The following SNX29 variants were observed in gnomAD, a reference collection of about 807,000 sequenced individuals.
The protein encoded by SNX29 is sorting nexin 29.
In SNX29, 78 loss-of-function variants were observed where a neutral mutation model predicts 102.1. The observed-to-expected ratio is 0.76, with a 90% CI of 0.64 to 0.92. The LOEUF (loss-of-function observed/expected upper bound fraction) is 0.92, where lower values mean the gene tolerates loss of function less well. SNX29 is among the 40% of genes least tolerant of loss of function. The pLI is 0.00. For missense variants in SNX29, 1,280 were observed against 1,061.7 expected, an observed-to-expected ratio of 1.21 and a Z score of -2.86; for synonymous variants, 580 against 414.5, an observed-to-expected ratio of 1.40 and a Z score of -4.85.
intron 18 of SNX29, among the ~76,000 whole-genome samples, chr16:12,454,612 G>C (rs1436288565): frequency 6.6e-6 from 1 of 152,206 alleles, no homozygotes; most frequent in Non-Finnish European, 1.5e-5. Context: ...AGAGAGGTGA[G>C]GAAGAACAGA....
chr16:12,054,975 T>C (rs1054956169), intron 8 of SNX29, among the ~76,000 whole-genome samples: 2 of 152,164 alleles, frequency 1.3e-5, no homozygotes, highest in African/African-American at 4.8e-5. Flanking sequence ...GTGAACTGTT[T>C]GTTAGGGCAG....
chr16:12,128,902 C>A (rs995970234), intron 12 of SNX29, among the ~76,000 whole-genome samples: 1 of 152,194 alleles, frequency 6.6e-6, no homozygotes, highest in Non-Finnish European at 1.5e-5. Flanking sequence ...CCTAGGCGGT[C>A]ACTGGTGATG....
At chr16:12,196,916 C>T (rs1218179759) in intron 13 of SNX29, among the ~76,000 whole-genome samples, 1 of 152,206 alleles carries the variant, frequency 6.6e-6, no homozygotes, top group African/African-American at 2.4e-5. Context: ...CCACTGCACC[C>T]AGCCAGGTGT....
At chr16:12,367,851 G>C (rs900816667) in intron 16 of SNX29, among the ~76,000 whole-genome samples, 1 of 152,178 alleles carries the variant, frequency 6.6e-6, no homozygotes, top group Non-Finnish European at 1.5e-5. Context: ...CCATTTAAGA[G>C]GGGCTACTAA....
chr16:12,036,444 T>A (rs1190850391), intron 4 of SNX29, among the ~76,000 whole-genome samples: 1 of 150,808 alleles, frequency 6.6e-6, no homozygotes, highest in African/African-American at 2.4e-5. Context: ...ACGCCATTCT[T>A]CTGCCTCTGC....
At chr16:12,131,703 G>A (rs1329473545) in intron 13 of SNX29, among the ~76,000 whole-genome samples, 1 of 152,186 alleles carries the variant, frequency 6.6e-6, no homozygotes, top group African/African-American at 2.4e-5. Flanking sequence ...AGATAAACAC[G>A]TCTTGTGGAT....
intron 3 of SNX29, among the ~76,000 whole-genome samples, chr16:12,012,614 G>A (rs1311723417): frequency 6.6e-6 from 1 of 151,992 alleles, no homozygotes; most frequent in Non-Finnish European, 1.5e-5. Flanking sequence ...TCACCATGTT[G>A]GCCAGGCTGG....
intron 15 of SNX29, among the ~76,000 whole-genome samples, chr16:12,282,570 C>G (rs987977812): frequency 6.6e-6 from 1 of 152,194 alleles, no homozygotes; most frequent in African/African-American, 2.4e-5. Context: ...CTTCAGTCAT[C>G]TTGTGTAATG....
In SNX29 at chr16:12,001,368, C is replaced by T. The variant is rs149348584; in HGVS notation, c.70-1623C>T. Among the ~76,000 whole-genome samples, 210 of 152,252 alleles carry T rather than the reference C, an allele frequency of 1.4e-3. 1 individual carries two copies. The highest frequency in any genetic ancestry group is 3.4e-3 in the Middle Eastern group (1 of 294). Reference sequence around the variant, plus strand: ...CCTCGGGTGATCCGCCCAACTCGGCCGTCCTAACTGCTGGGATTACAGACG... The same window carrying T: ...CCTCGGGTGATCCGCCCAACTCGGCTGTCCTAACTGCTGGGATTACAGACG... On this transcript the variant is annotated intron_variant, in intron 2 of 20. Transcript: ENST00000566228.
At chr16:12,445,778 C>T (rs887248140) in intron 18 of SNX29, among the ~76,000 whole-genome samples, 15 of 152,088 alleles carry the variant, frequency 9.9e-5, no homozygotes, top group African/African-American at 2.9e-4. Flanking sequence ...TATGCCAGGC[C>T]CTGGATTGAG....
chr16:12,529,173 G>C (rs138135338), intron 20 of SNX29, among the ~76,000 whole-genome samples: 1 of 152,166 alleles, frequency 6.6e-6, no homozygotes, highest in African/African-American at 2.4e-5. Flanking sequence ...AAAGTAGGCC[G>C]GTGGGAAGTG....
At chr16:12,527,974 A>C (rs1474433478) in intron 20 of SNX29, among the ~76,000 whole-genome samples, 7 of 145,590 alleles carry the variant, frequency 4.8e-5, no homozygotes, top group Non-Finnish European at 8.9e-5. Context: ...ACATGTGCCC[A>C]CCACCATGCC....
intron 16 of SNX29, among the ~76,000 whole-genome samples, chr16:12,368,447 C>A (rs939528585): frequency 2.0e-5 from 3 of 152,216 alleles, no homozygotes; most frequent in African/African-American, 7.2e-5. Context: ...TGGCTTACAT[C>A]GCCTGTCGGT....
At position 12,572,051 on chromosome 16, in the gene SNX29, A is replaced by G. The variant is rs3803605; in HGVS notation, c.*3422A>G. 243,798 of 1,062,554 alleles carry G rather than the reference A, an allele frequency of 0.23. 28,633 individuals are homozygous for G. Among genetic ancestry groups the G allele is most frequent in the East Asian group, 0.44 (8,685 of 19,818 alleles). The allele number at this position is 1,062,554 out of a possible 1,614,324, so 65.8% of individuals were successfully genotyped here. A position where few individuals can be genotyped will look rare whatever the true frequency, so the allele number is the denominator to read the frequency against. Reference sequence around the variant, plus strand: ...GGGATCATCCAGTGGAGTTGTAAACAAGGGAACCATCTTGCAAGATCTAGG... The same window carrying G: ...GGGATCATCCAGTGGAGTTGTAAACGAGGGAACCATCTTGCAAGATCTAGG... On this transcript the variant is annotated 3_prime_UTR_variant, in exon 21 of 21. Transcript: ENST00000566228.
chr16:12,323,272 G>T (rs1221517417), intron 15 of SNX29, among the ~76,000 whole-genome samples: 3 of 137,452 alleles, frequency 2.2e-5, no homozygotes, highest in East Asian at 4.2e-4. Context: ...TTTCTGTGCT[G>T]TGGCATTTTA....
chr16:12,468,455 C>G (rs11644581), intron 18 of SNX29, among the ~76,000 whole-genome samples: 1 of 152,036 alleles, frequency 6.6e-6, no homozygotes, highest in Non-Finnish European at 1.5e-5. Flanking sequence ...TGAGCCACCA[C>G]GCGCAACCTC....
chr16:12,534,972 A>C (rs908280327), intron 20 of SNX29, among the ~76,000 whole-genome samples: 2 of 152,168 alleles, frequency 1.3e-5, no homozygotes, highest in Non-Finnish European at 2.9e-5. Flanking sequence ...TCTGACCTGA[A>C]CGTCATTAGT....
intron 14 of SNX29, among the ~76,000 whole-genome samples, chr16:12,235,451 G>C (rs1183225058): frequency 6.6e-6 from 1 of 152,202 alleles, no homozygotes; most frequent in Non-Finnish European, 1.5e-5. Context: ...TGGCATGTCA[G>C]ATGGGAGCAG....
intron 20 of SNX29, among the ~76,000 whole-genome samples, chr16:12,547,078 G>A (rs765970032): frequency 3.3e-5 from 5 of 152,220 alleles, no homozygotes; most frequent in Non-Finnish European, 7.3e-5. Context: ...AGGCAGACAT[G>A]CCTATGTGAG....
Sources: allele counts gnomAD v4.1 joint callset (sites outside exome capture counted in the v4.1 genomes callset), GRCh38; gene constraint gnomAD v4.1.1; transcripts MANE v1.5; gene names NCBI Gene and HGNC (gene_info 2026-07-23, HGNC 2026-07-21).